USP8: variants seen among roughly 807,000 people sequenced by gnomAD.
USP8 encodes the protein ubiquitin specific peptidase 8, also known as ubiquitin carboxyl-terminal hydrolase 8.
In USP8, 27 loss-of-function variants were observed where a neutral mutation model predicts 130.0. The observed-to-expected ratio is 0.21, with a 90% confidence interval of 0.15 to 0.29. USP8 has a LOEUF of 0.29. Ranked by LOEUF, USP8 falls within the 10% of genes least tolerant of loss-of-function variation. The probability of loss-of-function intolerance (pLI) is 1.00; values close to 1 mark genes in which losing one functional copy is unlikely to be tolerated. For missense variants in USP8, 1,029 were observed against 1,312.2 expected (o/e 0.78, Z 3.33); for synonymous variants, 392 against 444.1 (o/e 0.88, Z 1.48).
At chr15:50,446,639 T>C (rs184217758) in intron 3 of USP8, among the ~76,000 whole-genome samples, 1 of 152,346 alleles carries the variant, frequency 6.6e-6, no homozygotes, top group East Asian at 1.9e-4. Flanking sequence ...TGATACGATA[T>C]TGAACAAACT....
chr15:50,487,629 C>T (rs1006332883), intron 12 of USP8, among the ~76,000 whole-genome samples: 2 of 152,198 alleles, frequency 1.3e-5, no homozygotes, highest in South Asian at 2.1e-4. Flanking sequence ...CTTGCCCCAT[C>T]TCTGCCCTTC....
chr15:50,462,621 C>T (rs1157385596), intron 6 of USP8, among the ~76,000 whole-genome samples: 1 of 152,044 alleles, frequency 6.6e-6, no homozygotes, highest in African/African-American at 2.4e-5. Flanking sequence ...TGCAGTTTAG[C>T]AATAATGGTT....
chr15:50,466,237 A>C (rs1421033643), intron 7 of USP8, among the ~76,000 whole-genome samples: 2 of 152,202 alleles, frequency 1.3e-5, no homozygotes, highest in African/African-American at 4.8e-5. Flanking sequence ...AGTTCTTGGC[A>C]TATTGCAGAT....
chr15:50,489,704 G>T, intron 12 of USP8, 97 bp from the exon 13 acceptor site: 1 of 767,300 alleles, frequency 1.3e-6, no homozygotes, highest in Non-Finnish European at 1.9e-6. Flanking sequence ...TTGATTCTTT[G>T]GTACAAGTAG....
At position 50,502,331 on chromosome 15, in the gene USP8, G is replaced by C. The variant is rs1011118338; in HGVS notation, c.*3243G>C. The C allele has an allele frequency of 6.6e-6, 1 of 151,836 alleles. No individual in the cohort carries two copies. Among genetic ancestry groups the C allele is most frequent in the African/African-American group, 2.4e-5 (1 of 41,240 alleles). 9.4% of individuals were successfully genotyped at this position (151,836 alleles called of 1,614,324 possible). On this transcript the variant is annotated 3_prime_UTR_variant, in exon 20 of 20. Coordinates refer to ENST00000307179, the MANE Select transcript of USP8 (RefSeq NM_005154.5). ...TCACTGTGTTAGCCAGGATGGTCTC[G>C]ATCTCGACCTCGGGATCCTCCCACT...
chr15:50,469,709 C>A (rs939845788), intron 7 of USP8, among the ~76,000 whole-genome samples: 5 of 152,090 alleles, frequency 3.3e-5, no homozygotes, highest in African/African-American at 1.2e-4. Flanking sequence ...GCCCAGCTTG[C>A]CAGTATCATC....
At chr15:50,425,949 C>G (rs547980283) in intron 1 of USP8, among the ~76,000 whole-genome samples, 1 of 151,994 alleles carries the variant, frequency 6.6e-6, no homozygotes, top group Non-Finnish European at 1.5e-5. Context: ...TGGCGAAACC[C>G]GGTCTCTACT....
chr15:50,461,456 C>CAAAAA (rs71124356), intron 5 of USP8, among the ~76,000 whole-genome samples: 1 of 108,688 alleles, frequency 9.2e-6, no homozygotes, highest in African/African-American at 3.7e-5. Flanking sequence ...ACCCTATCTC[C>CAAAAA]AAAAAAAAAA....
At chr15:50,471,866 A>G in intron 8 of USP8, 71 bp downstream of exon 8, 2 of 1,415,284 alleles carry the variant, frequency 1.4e-6, no homozygotes, top group South Asian at 1.2e-5. Context: ...CATGTTAACT[A>G]GTTGTTTATC....
intron 2 of USP8, 88 bp from the exon 3 acceptor site, chr15:50,441,261 A>G: frequency 6.9e-6 from 9 of 1,301,450 alleles, no homozygotes; most frequent in Non-Finnish European, 9.1e-6. Flanking sequence ...GGGATCCCTG[A>G]TAAAGATTAT....
chr15:50,476,169 C>T (rs567609521), intron 8 of USP8, among the ~76,000 whole-genome samples: 20 of 152,274 alleles, frequency 1.3e-4, no homozygotes, highest in East Asian at 3.9e-4. Flanking sequence ...CAGCGGCTCA[C>T]GCCTATAAAT....
At position 50,471,721 on chromosome 15, in the gene USP8, C is replaced by A. The variant is rs772655890; in HGVS notation, c.775C>A (p.Leu259Ile). 73 of 1,613,990 alleles carry A rather than the reference C, an allele frequency of 4.5e-5. 1 individual carries two copies. The Admixed American group carries it at 1.2e-3, about 27-fold the overall frequency. The change falls in exon 8 of 20, where the codon CTT (leucine) becomes ATT (isoleucine). Residue 259 changes from leucine to isoleucine, a missense_variant. Transcript: ENST00000307179. ...GGGGAATGTGGAGTATGTGGTACTT[C>A]TTGACTGGTTTAGTTCTGCCAAAGA... The part of the protein sequence containing the change: ...KRGNVEYVVL[L>I]DWFSSAKDLQ...
chr15:50,428,895 A>G (rs1395722926), intron 1 of USP8, among the ~76,000 whole-genome samples: 1 of 152,224 alleles, frequency 6.6e-6, no homozygotes, highest in Non-Finnish European at 1.5e-5. Flanking sequence ...ATGATTAAGT[A>G]AAATGAGGGT....
intron 7 of USP8, among the ~76,000 whole-genome samples, chr15:50,470,661 G>A (rs1171315882): frequency 1.3e-5 from 2 of 150,224 alleles, no homozygotes; most frequent in African/African-American, 4.9e-5. Flanking sequence ...GGAGTGCAGT[G>A]GCATGATCTT....
rs2141333796 is a variant in USP8, at chr15:50,499,471, T to TAAAGC, written c.*385_*389dup. ...ATACTATGAATACTCTAGAATGATG[T>TAAAGC]AAAGCAGATAGGAATGTATGTGTAC... On this transcript the variant is annotated 3_prime_UTR_variant, in exon 20 of 20. Transcript: ENST00000307179. 1 of 157,104 alleles carries TAAAGC rather than the reference T, an allele frequency of 6.4e-6. No homozygotes were observed. Among genetic ancestry groups the TAAAGC allele is most frequent in the East Asian group, 1.9e-4 (1 of 5,356 alleles). The allele number at this position is 157,104 out of a possible 1,614,324, so 9.7% of individuals were successfully genotyped here.
intron 3 of USP8, among the ~76,000 whole-genome samples, chr15:50,443,902 C>T (rs1043340923): frequency 2.0e-5 from 3 of 152,020 alleles, no homozygotes; most frequent in Non-Finnish European, 4.4e-5. Flanking sequence ...ATATTTTTGG[C>T]CATACTTATC....
In USP8 at chr15:50,507,100, T is replaced by C. The variant is rs1006101010; in HGVS notation, c.*8012T>C. On this transcript the variant is annotated 3_prime_UTR_variant, in exon 20 of 20. Coordinates refer to ENST00000307179, the MANE Select transcript of USP8 (RefSeq NM_005154.5). Reference sequence around the variant, plus strand: ...GAGTTCCAGACCACCCTGGCCAACATGGCAAAACCCGGTCTCTACTAAAAA... The same window carrying C: ...GAGTTCCAGACCACCCTGGCCAACACGGCAAAACCCGGTCTCTACTAAAAA... 5 of 150,688 alleles carry C rather than the reference T, an allele frequency of 3.3e-5. No individual in the cohort carries two copies. The highest frequency in any genetic ancestry group is 1.2e-4 in the African/African-American group (5 of 40,740). The allele number at this position is 150,688 out of a possible 1,614,324, so 9.3% of individuals were successfully genotyped here.
At chr15:50,445,846 G>T (rs1470597302) in intron 3 of USP8, among the ~76,000 whole-genome samples, 2 of 141,966 alleles carry the variant, frequency 1.4e-5, no homozygotes, top group Non-Finnish European at 3.0e-5. Flanking sequence ...AACAGAGCAA[G>T]ACTCCGTCTC....
rs1222758501 is a variant in USP8, at chr15:50,504,284, G to A, written c.*5196G>A. 6.6e-6 allele frequency: 1 copy of A among 152,222 alleles called. No individual in the cohort carries two copies. Among genetic ancestry groups the A allele is most frequent in the African/African-American group, 2.4e-5 (1 of 41,420 alleles). The allele number at this position is 152,222 out of a possible 1,614,324, so 9.4% of individuals were successfully genotyped here. The stretch of plus-strand genomic sequence containing the variant: ...TCACACGTGTAATCCCAACGTTTTT[G>A]GGGGATGGAGGTGGGCAGACTGCTT... On this transcript the variant is annotated 3_prime_UTR_variant, in exon 20 of 20. Transcript: ENST00000307179.
Sources: allele counts gnomAD v4.1 joint callset (sites outside exome capture counted in the v4.1 genomes callset), GRCh38; gene constraint gnomAD v4.1.1; transcripts MANE v1.5; gene names NCBI Gene and HGNC (gene_info 2026-07-23, HGNC 2026-07-21).